DCAF17: variants seen among roughly 807,000 people sequenced by gnomAD.
DCAF17 encodes DDB1- and CUL4-associated factor 17.
Under a neutral mutation model 66.0 loss-of-function variants are expected in DCAF17, and 48 were observed. The observed-to-expected ratio is 0.73, with a 90% CI of 0.58 to 0.92. The LOEUF (loss-of-function observed/expected upper bound fraction) is 0.92. DCAF17 is among the 40% of genes least tolerant of loss of function. DCAF17 has a pLI of 0.00. For missense variants in DCAF17, 562 were observed against 622.8 expected, an observed-to-expected ratio of 0.90 and a Z score of 1.04; for synonymous variants, 206 against 214.6, an observed-to-expected ratio of 0.96 and a Z score of 0.35.
At chr2:171,477,801 A>C (rs1428305289) in intron 11 of DCAF17, among the ~76,000 whole-genome samples, 186 bp from the exon 12 acceptor site, 1 of 152,178 alleles carries the variant, frequency 6.6e-6, no homozygotes, top group Non-Finnish European at 1.5e-5. Context: ...AGGCGACAGA[A>C]TGAGACCCTG....
At position 171,483,582 on chromosome 2, in the gene DCAF17, GCT is replaced by G. The variant is rs1696832587; in HGVS notation, c.*2471_*2472del. 2.2e-6 allele frequency: 1 copy of G among 454,046 alleles called. No individual in the cohort carries two copies. Among genetic ancestry groups the G allele is most frequent in the East Asian group, 6.9e-5 (1 of 14,404 alleles). The allele number at this position is 454,046 out of a possible 1,614,324, so 28.1% of individuals were successfully genotyped here. A position where few individuals can be genotyped will look rare whatever the true frequency, so the allele number is the denominator to read the frequency against. On this transcript the variant is annotated 3_prime_UTR_variant, in exon 14 of 14. Transcript: ENST00000375255. ...TTGTGCTACCTAGTGAGGAGATACCGCTCTGTTTAGACAAATTAAGGCACTTC... is the reference window on the plus strand; with the variant it reads ...TTGTGCTACCTAGTGAGGAGATACCGCTGTTTAGACAAATTAAGGCACTTC...
At chr2:171,455,004 T>TG (rs1201743639) in intron 6 of DCAF17, among the ~76,000 whole-genome samples, 4 of 152,054 alleles carry the variant, frequency 2.6e-5, no homozygotes, top group Non-Finnish European at 5.9e-5. Flanking sequence ...CAGGGGTACA[T>TG]GTGCATTATG....
intron 2 of DCAF17, chr2:171,443,206 T>C: frequency 5.1e-6 from 1 of 194,266 alleles, no homozygotes; most frequent in South Asian, 1.0e-4. Context: ...TGTTCAGAGG[T>C]AAAGAAAGAA....
chr2:171,454,013 A>G (rs1031633106), intron 6 of DCAF17, among the ~76,000 whole-genome samples: 3 of 152,076 alleles, frequency 2.0e-5, no homozygotes, highest in Non-Finnish European at 4.4e-5. Context: ...ATATTTTACA[A>G]CATTGTAACG....
Position 171,483,700 on chromosome 2 carries a change from G to T in DCAF17, c.*2586G>T, listed in dbSNP as rs1485995766. On this transcript the variant is annotated 3_prime_UTR_variant, in exon 14 of 14. Coordinates refer to ENST00000375255, the MANE Select transcript of DCAF17 (RefSeq NM_025000.4). ...GCACTTTCTATCTACTAGTCACTGT[G>T]ATACAGTATAAGTAAAGTGGGTTGT... The T allele has an allele frequency of 6.6e-6, 3 of 453,900 alleles. No homozygotes were observed. Among genetic ancestry groups the T allele is most frequent in the Non-Finnish European group, 8.8e-6 (2 of 226,790 alleles). 28.1% of individuals were successfully genotyped at this position (453,900 alleles called of 1,614,324 possible). A position where few individuals can be genotyped will look rare whatever the true frequency, so the allele number is the denominator to read the frequency against.
chr2:171,472,038 T>C (rs1045440161), intron 9 of DCAF17, among the ~76,000 whole-genome samples: 3 of 151,950 alleles, frequency 2.0e-5, no homozygotes, highest in Admixed American at 6.6e-5. Flanking sequence ...TAAAAATAAA[T>C]CATGGCATAG....
At position 171,484,810 on chromosome 2, in the gene DCAF17, C is replaced by T; in HGVS notation, c.*3696C>T. The T allele has an allele frequency of 2.2e-6, 1 of 453,978 alleles. No individual in the cohort carries two copies. Among genetic ancestry groups the T allele is most frequent in the South Asian group, 1.6e-5 (1 of 64,456 alleles). The allele number at this position is 453,978 out of a possible 1,614,324, so 28.1% of individuals were successfully genotyped here. On this transcript the variant is annotated 3_prime_UTR_variant, in exon 14 of 14. Coordinates refer to ENST00000375255, the MANE Select transcript of DCAF17 (RefSeq NM_025000.4). ...CTTTTATATCAAAGGTTAAATTTAC[C>T]TGTTCTAAACTTCATATGAGTGAAA...
At chr2:171,443,398 A>T in intron 2 of DCAF17, 125 bp from the exon 3 acceptor site, 1 of 683,668 alleles carries the variant, frequency 1.5e-6, no homozygotes, top group Middle Eastern at 4.1e-4. Context: ...ATATTTAGTT[A>T]AGAGGAAAGC....
intron 5 of DCAF17, among the ~76,000 whole-genome samples, chr2:171,450,357 C>T (rs1261416980): frequency 6.6e-6 from 1 of 152,006 alleles, no homozygotes; most frequent in Admixed American, 6.6e-5. Context: ...GACCCAACAC[C>T]ACCTGTTCCT....
Position 171,434,427 on chromosome 2 carries a change from C to T in DCAF17, c.-151C>T, listed in dbSNP as rs1024599326. 7 of 1,369,018 alleles carry T rather than the reference C, an allele frequency of 5.1e-6. No individual in the cohort carries two copies. In the African/African-American group the frequency reaches 8.6e-5, roughly 17 times the overall value. 84.8% of individuals were successfully genotyped at this position (1,369,018 alleles called of 1,614,324 possible). A position where few individuals can be genotyped will look rare whatever the true frequency, so the allele number is the denominator to read the frequency against. ...CTTTCCCTCGCCCCGCCGTCGGGTG[C>T]TCCCTGCCCGCCTCCCCGTGTCAGC... On this transcript the variant is annotated 5_prime_UTR_variant, in exon 1 of 14. Transcript: ENST00000375255.
chr2:171,467,735 A>AC (rs200593970), intron 8 of DCAF17, among the ~76,000 whole-genome samples: 16,393 of 148,280 alleles, frequency 0.11, 1,219 homozygotes, highest in Non-Finnish European at 0.14. Context: ...CTCAAAAAAA[A>AC]AAAAAAAAAA....
chr2:171,471,940 A>T (rs1558936), intron 9 of DCAF17, among the ~76,000 whole-genome samples: 1 of 150,754 alleles, frequency 6.6e-6, no homozygotes, highest in Non-Finnish European at 1.5e-5. Context: ...GATTGAGGCC[A>T]AGAGGTCAAG....
chr2:171,484,526 C>T lies in DCAF17; in HGVS notation c.*3412C>T. ...TAAATTGCAGTTGCTGATATACTTC[C>T]CCCTAGTACTTCAACTGCAGATTAT... On this transcript the variant is annotated 3_prime_UTR_variant, in exon 14 of 14. Transcript: ENST00000375255. 2.2e-6 allele frequency: 1 copy of T among 451,212 alleles called. No individual in the cohort carries two copies. Among genetic ancestry groups the T allele is most frequent in the Non-Finnish European group, 4.4e-6 (1 of 225,876 alleles). 28.0% of individuals were successfully genotyped at this position (451,212 alleles called of 1,614,324 possible). A position where few individuals can be genotyped will look rare whatever the true frequency, so the allele number is the denominator to read the frequency against.
chr2:171,448,992 G>T (rs1694798420), intron 4 of DCAF17, among the ~76,000 whole-genome samples, 175 bp downstream of exon 4: 1 of 151,698 alleles, frequency 6.6e-6, no homozygotes, highest in Admixed American at 6.6e-5. Flanking sequence ...TGAGTATAGA[G>T]ACCCTCTATC....
intron 10 of DCAF17, among the ~76,000 whole-genome samples, chr2:171,474,693 C>T (rs1025745242): frequency 3.3e-5 from 5 of 152,234 alleles, no homozygotes; most frequent in African/African-American, 1.2e-4. Context: ...ATTCCTGATA[C>T]CTTCTTACCA....
At chr2:171,448,900 C>A in intron 4 of DCAF17, 83 bp downstream of exon 4, 2 of 1,316,548 alleles carry the variant, frequency 1.5e-6, no homozygotes, top group Non-Finnish European at 2.2e-6. Context: ...CCTTTTTTCC[C>A]TGTCAGTTTT....
In DCAF17 at chr2:171,434,245, C is replaced by G. The variant is rs1265173973; in HGVS notation, c.-333C>G. 3 of 471,436 alleles carry G rather than the reference C, an allele frequency of 6.4e-6. No homozygotes were observed. Among genetic ancestry groups the G allele is most frequent in the South Asian group, 4.7e-5 (3 of 63,512 alleles). The allele number at this position is 471,436 out of a possible 1,614,324, so 29.2% of individuals were successfully genotyped here. A position where few individuals can be genotyped will look rare whatever the true frequency, so the allele number is the denominator to read the frequency against. On this transcript the variant is annotated 5_prime_UTR_variant, in exon 1 of 14. Coordinates refer to ENST00000375255, the MANE Select transcript of DCAF17 (RefSeq NM_025000.4). ...TCCTGGGAGAAGCCGGGCTGCCTCA[C>G]GAGGCACTAGGAACTACATTTCCCG... is the stretch of plus-strand genomic sequence containing the variant.
Position 171,485,042 on chromosome 2 carries a change from T to C in DCAF17, c.*3928T>C. The C allele has an allele frequency of 2.2e-6, 1 of 451,630 alleles. No homozygotes were observed. Among genetic ancestry groups the C allele is most frequent in the South Asian group, 1.6e-5 (1 of 63,448 alleles). The allele number at this position is 451,630 out of a possible 1,614,324, so 28.0% of individuals were successfully genotyped here. A position where few individuals can be genotyped will look rare whatever the true frequency, so the allele number is the denominator to read the frequency against. ...GTTATGAATAAAGCTGCTATGAACA[T>C]TCTTAGACAATTCTTTTGTGAACAT... On this transcript the variant is annotated 3_prime_UTR_variant, in exon 14 of 14. Coordinates refer to ENST00000375255, the MANE Select transcript of DCAF17 (RefSeq NM_025000.4).
intron 9 of DCAF17, 57 bp downstream of exon 9, chr2:171,469,087 A>G (rs1696088896): frequency 2.5e-6 from 4 of 1,591,006 alleles, no homozygotes; most frequent in South Asian, 1.1e-5. Flanking sequence ...TTTATTTTCT[A>G]CCTCTCAAAT....
Sources: gnomAD v4.1 joint callset for allele counts (sites outside exome capture counted in the v4.1 genomes callset) on GRCh38, gnomAD v4.1.1 for gene constraint, MANE v1.5 for transcripts, NCBI Gene and HGNC (gene_info 2026-07-23, HGNC 2026-07-21) for gene names.